RBFOX1: variants seen among roughly 807,000 people sequenced by gnomAD.
RBFOX1 encodes RNA binding protein fox-1 homolog 1.
A neutral mutation model predicts 57.7 loss-of-function variants in RBFOX1; 8 were observed. That is an observed-to-expected ratio of 0.14 (90% CI 0.08 to 0.25). The LOEUF (loss-of-function observed/expected upper bound fraction) is 0.25. Among genes scored for constraint, RBFOX1 ranks in the 10% least tolerant of loss-of-function variants. The pLI, the probability that RBFOX1 is intolerant of heterozygous loss-of-function variation, is 1.00. For synonymous variants in RBFOX1, 326 were observed against 222.4 expected, an observed-to-expected ratio of 1.47 and a Z score of -4.15; for missense variants, 611 against 548.5, an observed-to-expected ratio of 1.11 and a Z score of -1.14.
At chr16:7,117,444 G>T (rs1456838054) in intron 4 of RBFOX1, among the ~76,000 whole-genome samples, 1 of 152,212 alleles carries the variant, frequency 6.6e-6, no homozygotes, top group Non-Finnish European at 1.5e-5. Context: ...CAGAGATCAT[G>T]TAAGTTGGAA....
chr16:7,266,009 G>C lies in RBFOX1; in HGVS notation c.27+213911G>C, dbSNP rs553187357. 1.5e-3 allele frequency among the ~76,000 whole-genome samples: 169 copies of C among 115,034 alleles called. 1 individual carries two copies. Among genetic ancestry groups the C allele is most frequent in the Non-Finnish European group, 2.3e-3 (136 of 58,888 alleles). The allele number at this position is 115,034 out of a possible 152,430, so 75.5% of individuals were successfully genotyped here. ...TTTTTTTCTGAGAGGGAGTCTTGCTGTGTTGCCCAGGCTGGAGTGCAGTGG... is the reference window on the plus strand; with the variant it reads ...TTTTTTTCTGAGAGGGAGTCTTGCTCTGTTGCCCAGGCTGGAGTGCAGTGG... On this transcript the variant is annotated intron_variant, in intron 4 of 15. Transcript: ENST00000550418.
chr16:7,451,352 A>AT (rs1288574989), intron 4 of RBFOX1, among the ~76,000 whole-genome samples: 1 of 152,154 alleles, frequency 6.6e-6, no homozygotes, highest in Non-Finnish European at 1.5e-5. Flanking sequence ...ATTTATTTTG[A>AT]TTGAGATAGT....
chr16:6,678,454 G>C (rs1056652638), intron 3 of RBFOX1, among the ~76,000 whole-genome samples: 2 of 151,654 alleles, frequency 1.3e-5, no homozygotes, highest in African/African-American at 2.4e-5. Context: ...AATATGTTTA[G>C]GTGTGTGTAT....
rs776437577 is a variant in RBFOX1, at chr16:5,908,169, C to T, written c.351+40834C>T. On this transcript the variant is annotated intron_variant, in intron 4 of 19. Transcript: ENST00000641259. ...ACACATATATACACATATATATACA[C>T]ATATATACACATATATACACATATA... Among the ~76,000 whole-genome samples the T allele has an allele frequency of 5.3e-4, 69 of 131,042 alleles. 1 individual carries two copies. Among genetic ancestry groups the T allele is most frequent in the African/African-American group, 1.5e-3 (39 of 26,494 alleles). The allele number at this position is 131,042 out of a possible 152,430, so 86.0% of individuals were successfully genotyped here.
chr16:7,260,940 A>C (rs918185109), intron 4 of RBFOX1, among the ~76,000 whole-genome samples: 3 of 152,198 alleles, frequency 2.0e-5, no homozygotes, highest in African/African-American at 7.2e-5. Context: ...GGCTCTGGCC[A>C]AACACCTACA....
chr16:7,364,649 G>A (rs1188032572), intron 4 of RBFOX1, among the ~76,000 whole-genome samples: 2 of 150,750 alleles, frequency 1.3e-5, no homozygotes, highest in African/African-American at 2.4e-5. Flanking sequence ...GCTGGCTGTA[G>A]AATGAATGCC....
At chr16:7,455,442 AAAATATT>A (rs1330518406) in intron 4 of RBFOX1, among the ~76,000 whole-genome samples, 4 of 152,148 alleles carry the variant, frequency 2.6e-5, no homozygotes, top group African/African-American at 9.7e-5. Context: ...TGTTTGCAAG[AAAATATT>A]AAATATTTAC....
intron 3 of RBFOX1, among the ~76,000 whole-genome samples, chr16:6,909,729 C>G (rs576518651): frequency 6.6e-6 from 1 of 152,264 alleles, no homozygotes; most frequent in African/African-American, 2.4e-5. Context: ...GTCACAATGA[C>G]TGTTGTTGGT....
intron 2 of RBFOX1, among the ~76,000 whole-genome samples, chr16:6,419,493 G>A (rs1444656437): frequency 6.6e-6 from 1 of 152,224 alleles, no homozygotes; most frequent in Admixed American, 6.5e-5. Context: ...AAGACAATAA[G>A]CAAAAGTTAA....
chr16:5,309,608 C>T (rs753971743), intron 1 of RBFOX1, among the ~76,000 whole-genome samples: 3 of 152,124 alleles, frequency 2.0e-5, no homozygotes, highest in Non-Finnish European at 2.9e-5. Context: ...GTAACCATCA[C>T]GTGAATAGTG....
At chr16:6,045,957 G>C (rs1316958778) in intron 1 of RBFOX1, among the ~76,000 whole-genome samples, 7 of 152,226 alleles carry the variant, frequency 4.6e-5, no homozygotes, top group Admixed American at 4.6e-4. Flanking sequence ...GAAGGGATCA[G>C]TGTAGCCTTG....
intron 1 of RBFOX1, among the ~76,000 whole-genome samples, chr16:6,211,782 C>G (rs1598404086): frequency 6.6e-6 from 1 of 151,940 alleles, no homozygotes; most frequent in Non-Finnish European, 1.5e-5. Context: ...TGAAACCTAT[C>G]AAATAAATAA....
intron 1 of RBFOX1, among the ~76,000 whole-genome samples, chr16:6,259,944 G>A (rs2152628813): frequency 6.8e-6 from 1 of 147,704 alleles, no homozygotes; most frequent in African/African-American, 2.5e-5. Context: ...CTTGGTGACA[G>A]AGTGAGACTG....
chr16:5,809,395 A>T (rs1811879926), intron 3 of RBFOX1, among the ~76,000 whole-genome samples: 2 of 151,792 alleles, frequency 1.3e-5, no homozygotes. Context: ...CAGCCTACAC[A>T]ATGGGAGAAA....
intron 3 of RBFOX1, among the ~76,000 whole-genome samples, chr16:6,863,138 A>G (rs988083220): frequency 2.6e-5 from 4 of 152,156 alleles, no homozygotes; most frequent in African/African-American, 9.7e-5. Flanking sequence ...AGAGAAATTA[A>G]TAAGCAGGGG....
intron 4 of RBFOX1, among the ~76,000 whole-genome samples, chr16:7,469,910 A>G (rs1193428714): frequency 2.0e-5 from 3 of 152,116 alleles, no homozygotes; most frequent in Non-Finnish European, 4.4e-5. Flanking sequence ...TAAGTACCTC[A>G]TATAAATGGA....
Position 5,535,625 on chromosome 16 carries a change from G to C in RBFOX1, c.259-63277G>C, listed in dbSNP as rs114306021. ...GGTCATGCTTCTCTTTTTAGTGAAA[G>C]GTAGCCTGTGTTTTGCAACTGATTT... is the stretch of plus-strand genomic sequence containing the variant. On this transcript the variant is annotated intron_variant, in intron 2 of 2. Coordinates refer to the RBFOX1 transcript ENST00000585867. 9.6e-3 allele frequency among the ~76,000 whole-genome samples: 1,469 copies of C among 152,266 alleles called. 19 individuals are homozygous for C. Among genetic ancestry groups the C allele is most frequent in the African/African-American group, 0.033 (1,389 of 41,544 alleles).
At chr16:6,876,910 G>C (rs548759211) in intron 3 of RBFOX1, among the ~76,000 whole-genome samples, 1 of 152,044 alleles carries the variant, frequency 6.6e-6, no homozygotes, top group Non-Finnish European at 1.5e-5. Flanking sequence ...CCAAGTACTG[G>C]GTACACTATT....
chr16:6,503,722 T>A (rs1197540358), intron 2 of RBFOX1, among the ~76,000 whole-genome samples: 1 of 152,196 alleles, frequency 6.6e-6, no homozygotes, highest in African/African-American at 2.4e-5. Flanking sequence ...CATTTTCTGA[T>A]GTCTACTGGA....
Sources: gnomAD v4.1 joint callset for allele counts (sites outside exome capture counted in the v4.1 genomes callset) on GRCh38, gnomAD v4.1.1 for gene constraint, MANE v1.5 for transcripts, NCBI Gene and HGNC (gene_info 2026-07-23, HGNC 2026-07-21) for gene names.